The following EBF2 variants were observed in gnomAD, a reference collection of about 807,000 sequenced individuals.
EBF2 encodes EBF transcription factor 2, also known as transcription factor COE2.
A neutral mutation model predicts 72.8 loss-of-function variants in EBF2; 21 were observed. That is an observed-to-expected ratio of 0.29 (90% CI 0.20 to 0.42). The LOEUF (loss-of-function observed/expected upper bound fraction) is 0.42, where lower values mean the gene tolerates loss of function less well. Ranked by LOEUF, EBF2 falls within the 10% of genes least tolerant of loss-of-function variation. EBF2 has a pLI of 1.00. For missense variants in EBF2, 637 were observed against 731.2 expected, an observed-to-expected ratio of 0.87 and a Z score of 1.49; for synonymous variants, 299 against 274.2, an observed-to-expected ratio of 1.09 and a Z score of -0.89.
intron 10 of EBF2, among the ~76,000 whole-genome samples, chr8:25,863,560 A>G (rs1432334825): frequency 6.6e-6 from 1 of 152,162 alleles, no homozygotes; most frequent in African/African-American, 2.4e-5. Flanking sequence ...ATTCTTTAAA[A>G]GTTTCTTGTT....
At chr8:25,992,333 CAAAAAAAAA>C (rs36020598) in intron 6 of EBF2, among the ~76,000 whole-genome samples, 1 of 52,558 alleles carries the variant, frequency 1.9e-5, no homozygotes, top group Non-Finnish European at 3.1e-5. Context: ...GACTCTGTCT[CAAAAAAAAA>C]AAAAAAAAAA....
chr8:25,860,048 CA>C (rs571225540), intron 13 of EBF2, among the ~76,000 whole-genome samples: 25 of 142,628 alleles, frequency 1.8e-4, no homozygotes, highest in Admixed American at 1.4e-4. Flanking sequence ...TCTCCCTGGG[CA>C]AAAAAAAAAT....
At chr8:25,868,841 ATTAT>A (rs1363007712) in intron 10 of EBF2, among the ~76,000 whole-genome samples, 1 of 152,044 alleles carries the variant, frequency 6.6e-6, no homozygotes, top group Non-Finnish European at 1.5e-5. Context: ...ATTTTTCCTA[ATTAT>A]TTGAGGTGTT....
At chr8:25,988,895 C>T (rs1184677405) in intron 6 of EBF2, among the ~76,000 whole-genome samples, 1 of 152,034 alleles carries the variant, frequency 6.6e-6, no homozygotes, top group Non-Finnish European at 1.5e-5. Flanking sequence ...CAGCTCTTTC[C>T]AAAAAACTAT....
chr8:26,033,299 G>A, intron 5 of EBF2, 146 bp from the exon 6 acceptor site: 2 of 728,150 alleles, frequency 2.7e-6, no homozygotes, highest in Non-Finnish European at 4.7e-6. Context: ...CCTCCTTCTT[G>A]GCTCACCACA....
intron 7 of EBF2, among the ~76,000 whole-genome samples, chr8:25,895,945 G>T (rs953718054): frequency 6.8e-6 from 1 of 146,526 alleles, no homozygotes; most frequent in Non-Finnish European, 1.5e-5. Context: ...GTGTGTGTGT[G>T]TGTGTGTGTT....
At chr8:26,028,588 C>T (rs2117252656) in intron 6 of EBF2, among the ~76,000 whole-genome samples, 1 of 152,278 alleles carries the variant, frequency 6.6e-6, no homozygotes, top group African/African-American at 2.4e-5. Flanking sequence ...CACAGATCAC[C>T]AGATTATCCT....
intron 6 of EBF2, among the ~76,000 whole-genome samples, chr8:25,958,601 C>A (rs1272432766): frequency 6.6e-6 from 1 of 152,130 alleles, no homozygotes; most frequent in African/African-American, 2.4e-5. Flanking sequence ...GTTTTTGCTT[C>A]TTCTGCCATT....
At chr8:25,875,178 G>A (rs1325610181) in intron 10 of EBF2, among the ~76,000 whole-genome samples, 1 of 152,202 alleles carries the variant, frequency 6.6e-6, no homozygotes, top group African/African-American at 2.4e-5. Flanking sequence ...AAGAAGCCCT[G>A]TGCTGGTCCA....
chr8:25,977,432 G>C (rs766029972), intron 6 of EBF2, among the ~76,000 whole-genome samples: 3 of 152,078 alleles, frequency 2.0e-5, no homozygotes, highest in Non-Finnish European at 4.4e-5. Context: ...CACCCCACAT[G>C]CAGAGGGGTG....
chr8:26,018,972 C>T (rs186200874), intron 6 of EBF2, among the ~76,000 whole-genome samples: 1 of 136,718 alleles, frequency 7.3e-6, no homozygotes, highest in East Asian at 2.2e-4. Context: ...AACCCCCAAA[C>T]ACTGGGAAGG....
intron 5 of EBF2, among the ~76,000 whole-genome samples, chr8:26,036,717 C>T (rs1292975586): frequency 6.6e-6 from 1 of 152,088 alleles, no homozygotes; most frequent in African/African-American, 2.4e-5. Context: ...GAAACCAGGT[C>T]CCTGAATTAC....
At chr8:25,870,236 C>T (rs1802410885) in intron 10 of EBF2, among the ~76,000 whole-genome samples, 2 of 152,112 alleles carry the variant, frequency 1.3e-5, no homozygotes, top group Admixed American at 6.5e-5. Context: ...CAAAATTCAT[C>T]ATTGCCTAAT....
intron 6 of EBF2, among the ~76,000 whole-genome samples, chr8:25,948,115 C>T (rs1420935768): frequency 6.6e-6 from 1 of 152,184 alleles, no homozygotes; most frequent in Non-Finnish European, 1.5e-5. Context: ...ATTCTATAGG[C>T]CTCCTGTACA....
intron 6 of EBF2, among the ~76,000 whole-genome samples, chr8:25,957,975 C>T (rs914022513): frequency 6.6e-6 from 1 of 152,176 alleles, no homozygotes; most frequent in African/African-American, 2.4e-5. Flanking sequence ...GGAAGGCAGG[C>T]AGAACGCAAA....
rs57186328 is a variant in EBF2, at chr8:25,854,410, A to G, written c.1529-3649T>C. Among the ~76,000 whole-genome samples the G allele has an allele frequency of 2.9e-3, 440 of 152,256 alleles. 3 individuals carry two copies. The highest frequency in any genetic ancestry group is 1.0e-2 in the African/African-American group (415 of 41,566). ...TATGCAGCCCAGCTTCATATCTGTG[A>G]CTTTGGTAATTTTACTGCTTTCCTT... is the stretch of plus-strand genomic sequence containing the variant. On this transcript the variant is annotated intron_variant, in intron 14 of 15. Coordinates refer to ENST00000520164, the MANE Select transcript of EBF2 (RefSeq NM_022659.4).
chr8:26,014,237 A>G (rs112899565), intron 6 of EBF2, among the ~76,000 whole-genome samples: 26 of 152,268 alleles, frequency 1.7e-4, no homozygotes, highest in African/African-American at 5.1e-4. Flanking sequence ...ACTCCACTTA[A>G]TAACAGGCAA....
intron 6 of EBF2, among the ~76,000 whole-genome samples, chr8:25,921,779 G>A (rs1166236131): frequency 6.6e-6 from 1 of 152,160 alleles, no homozygotes; most frequent in Non-Finnish European, 1.5e-5. Flanking sequence ...TAGATGTCCA[G>A]AATCTCTTCT....
intron 11 of EBF2, among the ~76,000 whole-genome samples, chr8:25,862,134 G>T (rs1317042814): frequency 6.6e-6 from 1 of 152,156 alleles, no homozygotes; most frequent in East Asian, 1.9e-4. Context: ...AAATATAAAT[G>T]TGAAAATTTA....
Sources: allele counts gnomAD v4.1 joint callset (sites outside exome capture counted in the v4.1 genomes callset), GRCh38; gene constraint gnomAD v4.1.1; transcripts MANE v1.5; gene names NCBI Gene and HGNC (gene_info 2026-07-23, HGNC 2026-07-21).